Variants in CADPS observed in about 807,000 individuals in gnomAD.
CADPS encodes calcium dependent secretion activator.
Under a neutral mutation model 167.3 loss-of-function variants are expected in CADPS, and 57 were observed. The observed-to-expected ratio is 0.34, with a 90% CI of 0.28 to 0.42. The LOEUF (loss-of-function observed/expected upper bound fraction) is 0.42. Among genes scored for constraint, CADPS ranks in the 20% least tolerant of loss-of-function variants. The pLI is 1.00. For missense variants in CADPS, 1,414 were observed against 1,738.1 expected, an observed-to-expected ratio of 0.81 and a Z score of 3.32; for synonymous variants, 676 against 635.3, an observed-to-expected ratio of 1.06 and a Z score of -0.96.
intron 6 of CADPS, among the ~76,000 whole-genome samples, chr3:62,642,106 A>G (rs1436278341): frequency 5.7e-5 from 2 of 34,924 alleles, no homozygotes; most frequent in Admixed American, 1.0e-3. Flanking sequence ...TTTTGGCTAT[A>G]CTTGAAAAAA....
chr3:62,767,411 T>G (rs2087184077), intron 1 of CADPS, among the ~76,000 whole-genome samples: 1 of 152,202 alleles, frequency 6.6e-6, no homozygotes. Flanking sequence ...TAATTCTAAT[T>G]ACCCATTGTC....
At chr3:62,673,031 C>T (rs2075803281) in intron 3 of CADPS, among the ~76,000 whole-genome samples, 1 of 152,232 alleles carries the variant, frequency 6.6e-6, no homozygotes, top group Non-Finnish European at 1.5e-5. Context: ...GCCACCCTAA[C>T]ATCCTGAACC....
intron 8 of CADPS, among the ~76,000 whole-genome samples, chr3:62,572,398 G>C (rs1174171229): frequency 2.6e-5 from 4 of 151,986 alleles, no homozygotes; most frequent in Non-Finnish European, 5.9e-5. Context: ...GACAATTATA[G>C]AGGAACCTCT....
intron 3 of CADPS, among the ~76,000 whole-genome samples, chr3:62,708,627 C>T (rs1465602488): frequency 6.6e-6 from 1 of 151,904 alleles, no homozygotes; most frequent in African/African-American, 2.4e-5. Context: ...CGAAGATGGG[C>T]TGAGTTGGGG....
chr3:62,568,409 G>A (rs140429654), intron 9 of CADPS, among the ~76,000 whole-genome samples: 4 of 152,248 alleles, frequency 2.6e-5, no homozygotes, highest in African/African-American at 7.2e-5. Flanking sequence ...AAGGAGGTGG[G>A]ATAAGACTGC....
intron 28 of CADPS, among the ~76,000 whole-genome samples, chr3:62,413,055 C>T (rs73840184): frequency 2.1e-3 from 322 of 152,144 alleles, no homozygotes; most frequent in African/African-American, 7.4e-3. Context: ...TAAGATATTG[C>T]TGGAAATGGT....
chr3:62,738,363 A>G (rs2079439326), intron 3 of CADPS, among the ~76,000 whole-genome samples: 1 of 152,226 alleles, frequency 6.6e-6, no homozygotes, highest in Non-Finnish European at 1.5e-5. Context: ...GCCAATTAAA[A>G]GCATGATTGG....
chr3:62,439,066 G>T (rs1340807533), intron 27 of CADPS: 1 of 151,588 alleles, frequency 6.6e-6, no homozygotes, highest in African/African-American at 2.4e-5. Flanking sequence ...TATCTCCAAA[G>T]AAACCTATTA....
intron 3 of CADPS, among the ~76,000 whole-genome samples, chr3:62,716,241 A>G (rs1447308005): frequency 6.6e-6 from 1 of 152,034 alleles, no homozygotes; most frequent in Non-Finnish European, 1.5e-5. Context: ...TTTGGTAGAC[A>G]CAAGGTTTCG....
At chr3:62,426,707 G>C (rs549340359) in intron 28 of CADPS, among the ~76,000 whole-genome samples, 199 of 152,266 alleles carry the variant, frequency 1.3e-3, no homozygotes, top group African/African-American at 4.7e-3. Context: ...ATTAAACTTA[G>C]AAATGTCTGA....
intron 3 of CADPS, among the ~76,000 whole-genome samples, chr3:62,664,992 A>C (rs1035063627): frequency 6.6e-6 from 1 of 152,236 alleles, no homozygotes; most frequent in Non-Finnish European, 1.5e-5. Flanking sequence ...ATATTGGAAT[A>C]AGAAAGGAAC....
rs2037816 is a variant in CADPS, at chr3:62,433,418, T to C, written c.3777+4686A>G. ...ACTGCTTGATTAAGTTCTTACGAGG[T>C]GGTTTGGTAAGAGGCCCTTTCCTGA... On this transcript the variant is annotated intron_variant, in intron 28 of 29. Coordinates refer to ENST00000383710, the MANE Select transcript of CADPS (RefSeq NM_003716.4). This position sits in a 1 kb window ranked among gnomAD's most constrained non-coding sequence, Gnocchi z 4.7. Among the ~76,000 whole-genome samples, 40,915 of 151,920 alleles carry C rather than the reference T, an allele frequency of 0.27. 5,886 individuals are homozygous for C. Among genetic ancestry groups the C allele is most frequent in the Admixed American group, 0.41 (6,268 of 15,238 alleles).
At chr3:62,854,088 C>T (rs2068757) in intron 1 of CADPS, among the ~76,000 whole-genome samples, 3,604 of 152,180 alleles carry the variant, frequency 0.024, 66 homozygotes, top group South Asian at 0.066. Flanking sequence ...TTTTCAAGGC[C>T]ATTAAAAAAT....
chr3:62,763,517 AC>A (rs1354906751), intron 2 of CADPS, among the ~76,000 whole-genome samples: 2 of 152,134 alleles, frequency 1.3e-5, no homozygotes, highest in Non-Finnish European at 2.9e-5. Flanking sequence ...ATCCAGTATG[AC>A]CTAGGTATCG....
intron 28 of CADPS, chr3:62,403,899 T>C (rs1371120911): frequency 2.6e-5 from 4 of 152,234 alleles, no homozygotes; most frequent in African/African-American, 9.6e-5. Context: ...GTTGAAATCA[T>C]ACTTCCCCTT....
chr3:62,554,543 G>T (rs1227075048), intron 10 of CADPS, among the ~76,000 whole-genome samples: 1 of 152,098 alleles, frequency 6.6e-6, no homozygotes, highest in Non-Finnish European at 1.5e-5. Context: ...CTCCCCATTT[G>T]CACACTCACC....
intron 3 of CADPS, among the ~76,000 whole-genome samples, chr3:62,746,632 C>T (rs1427682997): frequency 2.6e-5 from 4 of 152,098 alleles, no homozygotes; most frequent in African/African-American, 9.7e-5. Flanking sequence ...GCCACTGTGC[C>T]CAACCAGGTG....
chr3:62,475,584 GAA>G (rs34263556), intron 23 of CADPS, among the ~76,000 whole-genome samples: 56 of 55,942 alleles, frequency 1.0e-3, no homozygotes, highest in African/African-American at 3.5e-3. Context: ...CAGTTCTTAA[GAA>G]AAAAAAAAAA....
At position 62,420,499 on chromosome 3, in the gene CADPS, T is replaced by G. The variant is rs886887865; in HGVS notation, c.3778-17314A>C. On this transcript the variant is annotated intron_variant, in intron 28 of 29. Transcript: ENST00000383710. The surrounding 1 kb of genome is among the most constrained non-coding windows in gnomAD (Gnocchi z 4.1). The stretch of plus-strand genomic sequence containing the variant: ...TTGGGTTTCAGAAGAGAAGGCAGAG[T>G]GGCATGAAGGCTGGAGGAGGGAAGA... Among the ~76,000 whole-genome samples the G allele has an allele frequency of 6.6e-6, 1 of 151,480 alleles. No individual in the cohort carries two copies. The highest frequency in any genetic ancestry group is 1.5e-5 in the Non-Finnish European group (1 of 67,876).
Sources: gnomAD v4.1 joint callset for allele counts (sites outside exome capture counted in the v4.1 genomes callset) on GRCh38, gnomAD v4.1.1 for gene constraint, Gnocchi (gnomAD v3.1) non-coding constraint, MANE v1.5 for transcripts, NCBI Gene and HGNC (gene_info 2026-07-23, HGNC 2026-07-21) for gene names.